Variants in PTPRT observed in about 807,000 individuals in gnomAD.
PTPRT encodes receptor-type tyrosine-protein phosphatase T.
In PTPRT, 56 loss-of-function variants were observed where a neutral mutation model predicts 176.8. The observed-to-expected ratio is 0.32, with a 90% CI of 0.26 to 0.40. The LOEUF (loss-of-function observed/expected upper bound fraction) is 0.40. PTPRT is among the 10% of genes least tolerant of loss of function. The pLI is 1.00. For synonymous variants in PTPRT, 783 were observed against 739.0 expected (o/e 1.06, Z -0.96); for missense variants, 1,540 against 1,908.2 (o/e 0.81, Z 3.60).
chr20:42,979,036 G>A (rs1983124635), intron 1 of PTPRT, among the ~76,000 whole-genome samples: 1 of 152,092 alleles, frequency 6.6e-6, no homozygotes, highest in African/African-American at 2.4e-5. Context: ...CCCTCTCTTG[G>A]AGTCTGGACC....
chr20:42,527,482 C>A (rs144402169), intron 7 of PTPRT, among the ~76,000 whole-genome samples: 81 of 152,306 alleles, frequency 5.3e-4, no homozygotes, highest in African/African-American at 1.9e-3. Flanking sequence ...TTAATGTACA[C>A]ACTGCAACCT....
intron 1 of PTPRT, among the ~76,000 whole-genome samples, chr20:43,051,593 C>G (rs958279715): frequency 3.8e-5 from 5 of 133,302 alleles, no homozygotes; most frequent in African/African-American, 1.5e-4. Context: ...ATTTTGGTCA[C>G]TTATGGTCCT....
intron 27 of PTPRT, among the ~76,000 whole-genome samples, chr20:42,097,900 C>A (rs537726915): frequency 6.6e-6 from 1 of 152,282 alleles, no homozygotes; most frequent in South Asian, 2.1e-4. Context: ...AACAGAGGGG[C>A]TAAGGCAGGA....
At chr20:42,276,705 A>G (rs527512501) in intron 13 of PTPRT, among the ~76,000 whole-genome samples, 3 of 151,062 alleles carry the variant, frequency 2.0e-5, no homozygotes, top group East Asian at 3.9e-4. Flanking sequence ...CTAATTTCCA[A>G]TTATTCCATG....
At chr20:42,912,433 T>C (rs575863507) in intron 1 of PTPRT, among the ~76,000 whole-genome samples, 3 of 152,222 alleles carry the variant, frequency 2.0e-5, no homozygotes, top group Non-Finnish European at 4.4e-5. Flanking sequence ...TTGTAAGTGT[T>C]CTTAATTTAG....
chr20:42,949,450 T>C (rs2146011725), intron 1 of PTPRT, among the ~76,000 whole-genome samples: 1 of 152,320 alleles, frequency 6.6e-6, no homozygotes, highest in Admixed American at 6.5e-5. Context: ...CTATTCCAGT[T>C]TTCTCAGCCC....
intron 7 of PTPRT, among the ~76,000 whole-genome samples, chr20:42,647,492 T>C (rs1167688730): frequency 6.6e-6 from 1 of 152,172 alleles, no homozygotes; most frequent in Non-Finnish European, 1.5e-5. Context: ...TTCTCAGACA[T>C]TCACTTTACC....
intron 7 of PTPRT, chr20:42,607,324 G>T (rs888511226): frequency 1.3e-5 from 2 of 152,150 alleles, no homozygotes; most frequent in African/African-American, 4.8e-5. Context: ...ATTTAAAAAT[G>T]ATTAAGATGG....
intron 30 of PTPRT, among the ~76,000 whole-genome samples, 189 bp from the exon 31 acceptor site, chr20:42,081,121 A>G (rs367674156): frequency 6.6e-6 from 1 of 152,188 alleles, no homozygotes; most frequent in Non-Finnish European, 1.5e-5. Context: ...GCCTGCTTCT[A>G]CCCAAGCTTC....
At chr20:42,519,996 T>C (rs2072141468) in intron 7 of PTPRT, among the ~76,000 whole-genome samples, 2 of 152,276 alleles carry the variant, frequency 1.3e-5, no homozygotes, top group South Asian at 4.1e-4. Context: ...ATCACATAGC[T>C]TCATTTTTTC....
Position 42,182,707 on chromosome 20 carries a change from A to G in PTPRT, c.2491+16533T>C, listed in dbSNP as rs1201001943. ...CTCATTTCAAAGTCAAACATGTCCA[A>G]AAATTTCCAGGTATCACACCCTCAA... On this transcript the variant is annotated intron_variant, in intron 16 of 30. Transcript: ENST00000373187. Among the ~76,000 whole-genome samples the G allele has an allele frequency of 2.0e-5, 3 of 152,300 alleles. No homozygotes were observed. In the East Asian group the frequency reaches 5.8e-4, roughly 29 times the overall value.
intron 1 of PTPRT, among the ~76,000 whole-genome samples, chr20:43,035,083 C>T (rs1442569008): frequency 1.3e-5 from 2 of 152,150 alleles, no homozygotes; most frequent in East Asian, 3.9e-4. Flanking sequence ...CACTACTTCC[C>T]GGTTGGCTGG....
intron 9 of PTPRT, among the ~76,000 whole-genome samples, chr20:42,412,281 G>A (rs1372942420): frequency 6.6e-6 from 1 of 152,188 alleles, no homozygotes; most frequent in Non-Finnish European, 1.5e-5. Flanking sequence ...AAGAAGATAT[G>A]TGAAGGACAA....
chr20:42,245,253 C>T (rs1210589337), intron 14 of PTPRT, among the ~76,000 whole-genome samples: 1 of 152,164 alleles, frequency 6.6e-6, no homozygotes, highest in African/African-American at 2.4e-5. Flanking sequence ...CAGTGAGGGG[C>T]TCCAGGATCC....
Position 42,259,550 on chromosome 20 carries a change from A to G in PTPRT, c.2177-10728T>C, listed in dbSNP as rs574810815. Among the ~76,000 whole-genome samples the G allele has an allele frequency of 2.6e-5, 4 of 152,322 alleles. No individual in the cohort carries two copies. In the South Asian group the frequency reaches 8.3e-4, roughly 32 times the overall value. On this transcript the variant is annotated intron_variant, in intron 13 of 30. Transcript: ENST00000373187. The stretch of plus-strand genomic sequence containing the variant: ...GGCTGCCAAGACCCAGCTGGGGTAG[A>G]GAGAGGATTCAGTCTGTGGTAAGAC...
At chr20:42,679,539 T>C (rs1274410002) in intron 6 of PTPRT, among the ~76,000 whole-genome samples, 1 of 151,906 alleles carries the variant, frequency 6.6e-6, no homozygotes, top group African/African-American at 2.4e-5. Flanking sequence ...TGAGAAGAAA[T>C]GGAAGAAAAT....
chr20:42,519,670 G>T (rs1025629376), intron 7 of PTPRT, among the ~76,000 whole-genome samples: 1 of 152,046 alleles, frequency 6.6e-6, no homozygotes, highest in Non-Finnish European at 1.5e-5. Context: ...TTCATGTTTT[G>T]AATTAATTGA....
intron 1 of PTPRT, among the ~76,000 whole-genome samples, chr20:43,097,342 C>G (rs1001621550): frequency 5.9e-5 from 9 of 152,218 alleles, no homozygotes; most frequent in African/African-American, 1.9e-4. Flanking sequence ...CCAGATGGAC[C>G]TTCCAGAGTC....
At chr20:42,488,932 A>G (rs913032212) in intron 7 of PTPRT, among the ~76,000 whole-genome samples, 16 of 146,686 alleles carry the variant, frequency 1.1e-4, no homozygotes, top group East Asian at 2.0e-4. Flanking sequence ...CCTGGGCAAC[A>G]GGAGCAAAAC....
Sources: gnomAD v4.1 joint callset for allele counts (sites outside exome capture counted in the v4.1 genomes callset) on GRCh38, gnomAD v4.1.1 for gene constraint, MANE v1.5 for transcripts, NCBI Gene and HGNC (gene_info 2026-07-23, HGNC 2026-07-21) for gene names.